ENTPD7: variants seen among roughly 807,000 people sequenced by gnomAD.
ENTPD7 encodes NTPDase 7.
ENTPD7 carries 53 observed loss-of-function variants against 77.9 expected under a neutral mutation model. That is an observed-to-expected ratio of 0.68 (90% confidence interval 0.55 to 0.85). The LOEUF (loss-of-function observed/expected upper bound fraction) is 0.85. ENTPD7 is among the 40% of genes least tolerant of loss of function. ENTPD7 has a pLI of 0.00. For missense variants in ENTPD7, 636 were observed against 743.7 expected (o/e 0.86, Z 1.68); for synonymous variants, 248 against 274.9 (o/e 0.90, Z 0.97).
chr10:99,699,348 G>A (rs948704842), intron 10 of ENTPD7, among the ~76,000 whole-genome samples: 5 of 152,206 alleles, frequency 3.3e-5, no homozygotes, highest in Non-Finnish European at 5.9e-5. Flanking sequence ...AAAAAGCAAT[G>A]ATGGTGGAAG....
At chr10:99,684,165 C>T (rs1483244912) in intron 5 of ENTPD7, among the ~76,000 whole-genome samples, 4 of 152,180 alleles carry the variant, frequency 2.6e-5, no homozygotes. Flanking sequence ...AAGCGATTCT[C>T]CTGCCTCAGC....
At chr10:99,700,727 A>C (rs2036103607) in intron 10 of ENTPD7, 1 of 537,996 alleles carries the variant, frequency 1.9e-6, no homozygotes, top group South Asian at 2.3e-5. Context: ...TGTTAGTCCT[A>C]ACCTCAGCCC....
chr10:99,696,273 C>A, intron 9 of ENTPD7, 151 bp downstream of exon 9: 1 of 871,482 alleles, frequency 1.1e-6, no homozygotes, highest in Non-Finnish European at 1.7e-6. Flanking sequence ...TCTTAAAGAC[C>A]TCTATTAGCA....
At chr10:99,677,095 T>C (rs1002757380) in intron 3 of ENTPD7, among the ~76,000 whole-genome samples, 1 of 152,166 alleles carries the variant, frequency 6.6e-6, no homozygotes, top group Non-Finnish European at 1.5e-5. Context: ...ACTGGCTAGA[T>C]TGGTTTCAGG....
chr10:99,686,908 C>T (rs1209734570), intron 6 of ENTPD7, among the ~76,000 whole-genome samples: 1 of 137,446 alleles, frequency 7.3e-6, no homozygotes, highest in East Asian at 2.1e-4. Context: ...TTTCTGTAGG[C>T]TGTGAATCTT....
At chr10:99,679,124 C>A in intron 3 of ENTPD7, 137 bp from the exon 4 acceptor site, 1 of 732,958 alleles carries the variant, frequency 1.4e-6, no homozygotes. Flanking sequence ...TTGCTTCACT[C>A]ATTGGTTAGG....
At position 99,659,596 on chromosome 10, in the gene ENTPD7, T is replaced by G. The variant is rs1590032319; in HGVS notation, c.-96+8T>G. Reference sequence around the variant, plus strand: ...GGCGGGCCGCTTGATCCCGTGAGTGTGGGCGCGAGAGGGCTGTGGGACCCG... The same window carrying G: ...GGCGGGCCGCTTGATCCCGTGAGTGGGGGCGCGAGAGGGCTGTGGGACCCG... On this transcript the variant is annotated splice_region_variant and intron_variant, in intron 1 of 12. Transcript: ENST00000370489. The surrounding 1 kb of genome is among the most constrained non-coding windows in gnomAD (Gnocchi z 4.1). 1.6e-5 allele frequency: 3 copies of G among 193,250 alleles called. No homozygotes were observed. Among genetic ancestry groups the G allele is most frequent in the Admixed American group, 6.1e-5 (1 of 16,326 alleles). The allele number at this position is 193,250 out of a possible 1,614,324, so 12.0% of individuals were successfully genotyped here.
chr10:99,700,902 C>A, intron 10 of ENTPD7, 71 bp from the exon 11 acceptor site: 1 of 1,245,326 alleles, frequency 8.0e-7, no homozygotes, highest in Non-Finnish European at 1.2e-6. Context: ...AATGGAACAG[C>A]TGTGACTGTG....
At chr10:99,670,366 G>C (rs1022073662) in intron 3 of ENTPD7, among the ~76,000 whole-genome samples, 16 of 152,184 alleles carry the variant, frequency 1.1e-4, no homozygotes, top group Non-Finnish European at 2.9e-5. Context: ...TCATTTCACA[G>C]AGTTCTGTTG....
In ENTPD7 at chr10:99,685,835, C is replaced by A. The variant is rs991002328; in HGVS notation, c.592C>A (p.Leu198Met). The change falls in exon 6 of 13, where the codon CTG (leucine) becomes ATG (methionine). Residue 198 changes from leucine (L) to methionine (M), a missense_variant. By Grantham distance (15) the Leu-to-Met change is conservative (BLOSUM62 2). This residue lies in a region of ENTPD7 where 486 missense variants were observed against 556.5 expected (regional missense o/e 0.87). Transcript: ENST00000370489. ...ILADLVKDLP[L>M]EFDFLFSQSQ... ...GGCTGACCTAGTGAAAGATTTACCA[C>A]TGGAGTTTGACTTCCTCTTTTCACA... 3 of 1,613,924 alleles carry A rather than the reference C, an allele frequency of 1.9e-6. No homozygotes were observed. The African/African-American group carries it at 4.0e-5, about 22-fold the overall frequency.
intron 3 of ENTPD7, 60 bp downstream of exon 3, chr10:99,661,688 CACTA>C: frequency 7.0e-7 from 1 of 1,432,974 alleles, no homozygotes; most frequent in East Asian, 2.4e-5. Flanking sequence ...CTGTTTAACA[CACTA>C]CTGACTTTGA....
chr10:99,696,095 T>C lies in ENTPD7; in HGVS notation c.983T>C (p.Val328Ala), dbSNP rs775354653. Residue 328 changes from valine (V) to alanine (A), a missense_variant, in exon 9 of 13, where the codon GTT (valine) becomes GCT (alanine). Physicochemically the swap from Val to Ala is moderately conservative, Grantham distance 64. Around this residue, in one of 3 missense-constraint regions of ENTPD7, gnomAD observed 486 missense variants for 556.5 expected, o/e 0.87. Transcript: ENST00000370489. ...GCCCGGCAGCGCTACGAAGACCTTG[T>C]TCTGAATGAAACTCTTAACAAAAAC... Reference protein sequence around the residue: ...NFARQRYEDLVLNETLNKNRL... With the variant: ...NFARQRYEDLALNETLNKNRL... 1.2e-6 allele frequency: 2 copies of C among 1,613,742 alleles called. No individual in the cohort carries two copies. Among genetic ancestry groups the C allele is most frequent in the Non-Finnish European group, 1.7e-6 (2 of 1,179,906 alleles).
chr10:99,691,855 G>A (rs1327933817), intron 8 of ENTPD7, among the ~76,000 whole-genome samples: 2 of 152,196 alleles, frequency 1.3e-5, no homozygotes, highest in East Asian at 3.8e-4. Context: ...ACATGATAAT[G>A]CATTTACATT....
In ENTPD7 at chr10:99,707,733, A is replaced by G. The variant is rs149854290; in HGVS notation, c.*3050A>G. Among the ~76,000 whole-genome samples the G allele has an allele frequency of 1.1e-4, 16 of 152,356 alleles. No individual in the cohort carries two copies. Among genetic ancestry groups the G allele is most frequent in the African/African-American group, 3.6e-4 (15 of 41,582 alleles). On this transcript the variant is annotated 3_prime_UTR_variant, in exon 13 of 13. Coordinates refer to ENST00000370489, the MANE Select transcript of ENTPD7 (RefSeq NM_020354.5). ...TGCTTTTTAGTCTTGTGATAGCACA[A>G]TCCATCACTTTCCCCAAAATTCTTG...
chr10:99,677,206 A>G (rs2035692944), intron 3 of ENTPD7, among the ~76,000 whole-genome samples: 1 of 151,958 alleles, frequency 6.6e-6, no homozygotes, highest in Non-Finnish European at 1.5e-5. Context: ...CTTTTTTTCT[A>G]TTTGTAATGC....
chr10:99,685,042 G>A (rs1200463682), intron 5 of ENTPD7, among the ~76,000 whole-genome samples: 1 of 152,186 alleles, frequency 6.6e-6, no homozygotes, highest in Non-Finnish European at 1.5e-5. Flanking sequence ...TGAATCACCT[G>A]AGGTCAGGAG....
chr10:99,672,962 C>T (rs528614792), intron 3 of ENTPD7, among the ~76,000 whole-genome samples: 8 of 152,308 alleles, frequency 5.3e-5, no homozygotes, highest in South Asian at 4.1e-4. Context: ...ACAGCTCTAA[C>T]GCTGTTAATG....
intron 8 of ENTPD7, among the ~76,000 whole-genome samples, chr10:99,694,759 A>T (rs1201159444): frequency 6.6e-6 from 1 of 151,354 alleles, no homozygotes; most frequent in Non-Finnish European, 1.5e-5. Flanking sequence ...CTGGTCTCGA[A>T]CTCCTGGCCT....
intron 8 of ENTPD7, among the ~76,000 whole-genome samples, 166 bp from the exon 9 acceptor site, chr10:99,695,780 AGTGCAGTCTT>A (rs1480299257): frequency 7.2e-5 from 11 of 152,212 alleles, no homozygotes; most frequent in African/African-American, 2.7e-4. Context: ...TGTACCTTTT[AGTGCAGTCTT>A]GTCATTTTGT....
Sources: allele counts gnomAD v4.1 joint callset (sites outside exome capture counted in the v4.1 genomes callset), GRCh38; gene constraint gnomAD v4.1.1; regional missense constraint gnomAD v4.1.1; non-coding constraint Gnocchi (gnomAD v3.1); transcripts MANE v1.5; gene names NCBI Gene and HGNC (gene_info 2026-07-23, HGNC 2026-07-21).